The following MCMDC2 variants were observed in gnomAD, a reference collection of about 807,000 sequenced individuals.
MCMDC2 encodes the protein minichromosome maintenance domain-containing protein 2.
Under a neutral mutation model 75.8 loss-of-function variants are expected in MCMDC2, and 54 were observed. The ratio of observed to expected loss-of-function variants is 0.71; its 90% confidence interval spans 0.57 to 0.89. The LOEUF (loss-of-function observed/expected upper bound fraction) is 0.89, where lower values mean the gene tolerates loss of function less well. MCMDC2 is among the 40% of genes least tolerant of loss of function. The pLI, the probability that MCMDC2 is intolerant of heterozygous loss-of-function variation, is 0.00. For synonymous variants in MCMDC2, 249 were observed against 274.6 expected, an observed-to-expected ratio of 0.91 and a Z score of 0.92; for missense variants, 656 against 780.4, an observed-to-expected ratio of 0.84 and a Z score of 1.90.
chr8:66,919,149 A>G lies in MCMDC2; in HGVS notation c.2026A>G (p.Ile676Val). Residue 676 changes from isoleucine (I) to valine (V), a missense_variant, in exon 15 of 15, where the codon ATT becomes GTT. Physicochemically the swap from Ile to Val is conservative, Grantham distance 29 (BLOSUM62 3). Coordinates refer to ENST00000422365, the MANE Select transcript of MCMDC2 (RefSeq NM_173518.5). ...FIATYGPGTT[I>V]FSSDE ...TGCCACATATGGACCTGGGACAACTATTTTCTCTAGTGATGAATAAGCAAT... is the reference window on the plus strand; with the variant it reads ...TGCCACATATGGACCTGGGACAACTGTTTTCTCTAGTGATGAATAAGCAAT... 6.5e-7 allele frequency: 1 copy of G among 1,545,640 alleles called. No individual in the cohort carries two copies. The highest frequency in any genetic ancestry group is 8.7e-7 in the Non-Finnish European group (1 of 1,145,118).
chr8:66,897,853 CTCA>C (rs1812433341), intron 12 of MCMDC2, among the ~76,000 whole-genome samples: 1 of 152,114 alleles, frequency 6.6e-6, no homozygotes, highest in Non-Finnish European at 1.5e-5. Flanking sequence ...TTTTTAACTA[CTCA>C]AAAATCTGTC....
chr8:66,878,511 A>G (rs1811404100), intron 5 of MCMDC2, 63 bp from the exon 6 acceptor site: 2 of 1,495,798 alleles, frequency 1.3e-6, no homozygotes, highest in African/African-American at 1.4e-5. Flanking sequence ...TGACAACAAC[A>G]AAAGAAACAA....
chr8:66,923,948 C>CAA (rs934779841), downstream of MCMDC2, among the ~76,000 whole-genome samples: 21 of 151,954 alleles, frequency 1.4e-4, no homozygotes, highest in African/African-American at 4.8e-4. Flanking sequence ...CCACAAAACC[C>CAA]AAAAGACTGA....
Position 66,919,256 on chromosome 8 carries a change from G to T in MCMDC2, c.*87G>T. On this transcript the variant is annotated 3_prime_UTR_variant, in exon 15 of 15. Transcript: ENST00000422365. Reference sequence around the variant, plus strand: ...GAGAGTGACTTTGAAGTAATGCTTTGATAATACTCTGTACAGGAATATATT... The same window carrying T: ...GAGAGTGACTTTGAAGTAATGCTTTTATAATACTCTGTACAGGAATATATT... 1 of 1,041,900 alleles carries T rather than the reference G, an allele frequency of 9.6e-7. No individual in the cohort carries two copies. The allele number at this position is 1,041,900 out of a possible 1,614,324, so 64.5% of individuals were successfully genotyped here. A position where few individuals can be genotyped will look rare whatever the true frequency, so the allele number is the denominator to read the frequency against.
At chr8:66,916,111 G>T (rs1813307183) in intron 14 of MCMDC2, among the ~76,000 whole-genome samples, 1 of 152,002 alleles carries the variant, frequency 6.6e-6, no homozygotes, top group African/African-American at 2.4e-5. Context: ...TGAGGGAATT[G>T]CTGGAGAAGG....
intron 8 of MCMDC2, among the ~76,000 whole-genome samples, 190 bp from the exon 9 acceptor site, chr8:66,883,567 G>A (rs79798240): frequency 0.012 from 1,854 of 152,054 alleles, 36 homozygotes; most frequent in African/African-American, 0.042. Context: ...GTCAAGGCAG[G>A]GGAATCAATT....
chr8:66,878,186 C>A (rs1401123008), intron 5 of MCMDC2, among the ~76,000 whole-genome samples: 2 of 152,194 alleles, frequency 1.3e-5, no homozygotes, highest in East Asian at 3.9e-4. Context: ...CAAAATTATC[C>A]CCACCACCTC....
At chr8:66,872,957 C>CAAAAA (rs749748721) in intron 1 of MCMDC2, among the ~76,000 whole-genome samples, 13 of 39,980 alleles carry the variant, frequency 3.3e-4, no homozygotes, top group East Asian at 7.8e-4. Context: ...GACTCCATCT[C>CAAAAA]AAAAAAAAAA....
At chr8:66,895,476 A>G (rs1277950279) in intron 10 of MCMDC2, among the ~76,000 whole-genome samples, 3 of 146,508 alleles carry the variant, frequency 2.0e-5, no homozygotes, top group Non-Finnish European at 4.5e-5. Context: ...GTGTCATCAT[A>G]CCTCACTGCA....
At chr8:66,905,878 G>A (rs891558749) in intron 14 of MCMDC2, among the ~76,000 whole-genome samples, 5 of 151,932 alleles carry the variant, frequency 3.3e-5, no homozygotes, top group Non-Finnish European at 2.9e-5. Flanking sequence ...GGTGGCAGGT[G>A]CCTGTAGTCC....
chr8:66,883,661 T>A, intron 8 of MCMDC2, 96 bp from the exon 9 acceptor site: 1 of 683,290 alleles, frequency 1.5e-6, no homozygotes, highest in Admixed American at 2.6e-5. Flanking sequence ...ATTGGAACTA[T>A]AATTTGATAA....
intron 1 of MCMDC2, among the ~76,000 whole-genome samples, chr8:66,871,058 G>T (rs1024038100): frequency 6.6e-6 from 1 of 152,180 alleles, no homozygotes; most frequent in African/African-American, 2.4e-5. Context: ...TTAGACTAAG[G>T]GAAGACAGGG....
At chr8:66,872,481 T>G (rs2130783412) in intron 1 of MCMDC2, among the ~76,000 whole-genome samples, 1 of 152,346 alleles carries the variant, frequency 6.6e-6, no homozygotes, top group African/African-American at 2.4e-5. Context: ...ATGTTGTTCC[T>G]TTCATGCTAC....
chr8:66,907,178 G>T (rs1169045146), intron 14 of MCMDC2, among the ~76,000 whole-genome samples: 1 of 151,966 alleles, frequency 6.6e-6, no homozygotes, highest in Non-Finnish European at 1.5e-5. Context: ...CTGTCATCTA[G>T]GTTTTAAGCC....
chr8:66,884,228 C>T, intron 9 of MCMDC2: 1 of 535,666 alleles, frequency 1.9e-6, no homozygotes, highest in Admixed American at 3.4e-5. Context: ...TAAATAAATA[C>T]ATCCTTCCCA....
intron 9 of MCMDC2, among the ~76,000 whole-genome samples, chr8:66,889,460 T>C (rs1305159654): frequency 1.3e-5 from 2 of 152,060 alleles, no homozygotes; most frequent in Admixed American, 1.3e-4. Context: ...CATCATTGCA[T>C]TCCAGCTTGT....
chr8:66,891,839 G>A (rs1403072749), intron 10 of MCMDC2, among the ~76,000 whole-genome samples: 1 of 152,222 alleles, frequency 6.6e-6, no homozygotes, highest in African/African-American at 2.4e-5. Flanking sequence ...GGCAGGGCAG[G>A]CAGCTCCAGG....
chr8:66,907,186 GC>G (rs1383846802), intron 14 of MCMDC2, among the ~76,000 whole-genome samples: 1 of 151,952 alleles, frequency 6.6e-6, no homozygotes, highest in Non-Finnish European at 1.5e-5. Flanking sequence ...TAGGTTTTAA[GC>G]CCCGCATGGT....
At chr8:66,918,493 A>G (rs1040263726) in intron 14 of MCMDC2, among the ~76,000 whole-genome samples, 3 of 152,152 alleles carry the variant, frequency 2.0e-5, no homozygotes, top group African/African-American at 7.2e-5. Context: ...CCATAGATTT[A>G]TGTTGTCTGC....
Sources: allele counts gnomAD v4.1 joint callset (sites outside exome capture counted in the v4.1 genomes callset), GRCh38; gene constraint gnomAD v4.1.1; transcripts MANE v1.5; gene names NCBI Gene and HGNC (gene_info 2026-07-23, HGNC 2026-07-21).